CCDC102B: variants seen among roughly 807,000 people sequenced by gnomAD.
CCDC102B encodes the protein coiled-coil domain containing 102B, also known as coiled-coil domain-containing protein 102B.
Under a neutral mutation model 57.4 loss-of-function variants are expected in CCDC102B, and 75 were observed. That is an observed-to-expected ratio of 1.31 (90% CI 1.08 to 1.58). The LOEUF is 1.58. Ranked by LOEUF, CCDC102B falls within the 40% of genes most tolerant of loss-of-function variation. The pLI is 0.00. For missense variants in CCDC102B, 636 were observed against 582.6 expected (o/e 1.09, Z -0.94); for synonymous variants, 206 against 201.9 (o/e 1.02, Z -0.17).
intron 6 of CCDC102B, among the ~76,000 whole-genome samples, chr18:68,921,726 C>T (rs1275286871): frequency 2.0e-5 from 3 of 152,078 alleles, no homozygotes; most frequent in Admixed American, 6.6e-5. Flanking sequence ...AAATGGGGAG[C>T]GTAATCCTAC....
chr18:68,802,312 T>G (rs2035883739), intron 1 of CCDC102B, among the ~76,000 whole-genome samples: 1 of 152,198 alleles, frequency 6.6e-6, no homozygotes, highest in Non-Finnish European at 1.5e-5. Context: ...TGCCCAGGCT[T>G]CTTCATTCTT....
intron 6 of CCDC102B, among the ~76,000 whole-genome samples, chr18:68,931,516 C>T (rs1459451215): frequency 6.6e-6 from 1 of 151,708 alleles, no homozygotes. Context: ...GAGGTGGAAA[C>T]AATGTTACAG....
upstream of CCDC102B, among the ~76,000 whole-genome samples, chr18:68,795,061 A>G (rs549577948): frequency 3.3e-5 from 5 of 152,062 alleles, no homozygotes; most frequent in Non-Finnish European, 7.4e-5. Context: ...GTAAGACAAA[A>G]ACAAATGCAA....
rs186264717 is a variant in CCDC102B at position 68,750,963 on chromosome 18, A to G, written c.-67+34369A>G. On this transcript the variant is annotated intron_variant, in intron 2 of 3. Transcript: ENST00000578970. ...TAAAGTATAATAATAATAAAAAAAAACAAAAACAAAGAAACAAAAAAAACT... is the reference window on the plus strand; with the variant it reads ...TAAAGTATAATAATAATAAAAAAAAGCAAAAACAAAGAAACAAAAAAAACT... 6.6e-5 allele frequency among the ~76,000 whole-genome samples: 10 copies of G among 152,052 alleles called. No individual in the cohort carries two copies. In the East Asian group the frequency reaches 1.4e-3, roughly 21 times the overall value.
chr18:69,038,241 G>A (rs1416692915), intron 7 of CCDC102B, among the ~76,000 whole-genome samples: 2 of 151,872 alleles, frequency 1.3e-5, no homozygotes, highest in Non-Finnish European at 2.9e-5. Flanking sequence ...AATGTCTGCA[G>A]AATGTTCCAT....
At chr18:68,793,529 TTCTC>T (rs760072548), upstream of CCDC102B, among the ~76,000 whole-genome samples, 1 of 152,156 alleles carries the variant, frequency 6.6e-6, no homozygotes, top group Non-Finnish European at 1.5e-5. Flanking sequence ...CTAATTTACT[TTCTC>T]TATAACATGT....
chr18:68,716,419 T>G (rs1191187937), intron 1 of CCDC102B: 2 of 152,234 alleles, frequency 1.3e-5, no homozygotes, highest in Non-Finnish European at 2.9e-5. Context: ...CCAGTTGACC[T>G]AGATCTGTGC....
intron 6 of CCDC102B, among the ~76,000 whole-genome samples, chr18:68,977,660 A>T (rs2050475289): frequency 6.6e-6 from 1 of 151,648 alleles, no homozygotes; most frequent in African/African-American, 2.4e-5. Flanking sequence ...GATGATGATG[A>T]TGACGATGAC....
intron 6 of CCDC102B, among the ~76,000 whole-genome samples, chr18:69,007,992 T>C (rs1391444199): frequency 6.6e-6 from 1 of 152,250 alleles, no homozygotes; most frequent in Non-Finnish European, 1.5e-5. Context: ...GCATTAATGA[T>C]ATAAGAAATA....
intron 5 of CCDC102B, among the ~76,000 whole-genome samples, chr18:68,876,231 A>G (rs2039442027): frequency 6.6e-6 from 1 of 152,194 alleles, no homozygotes; most frequent in African/African-American, 2.4e-5. Flanking sequence ...CGAATATTGT[A>G]TCTGCTGTGC....
At chr18:68,817,713 T>C (rs1377536392) in intron 1 of CCDC102B, among the ~76,000 whole-genome samples, 1 of 152,188 alleles carries the variant, frequency 6.6e-6, no homozygotes, top group Non-Finnish European at 1.5e-5. Flanking sequence ...TGTGGGTGTG[T>C]AGGGGTAAAC....
chr18:68,835,159 A>G (rs1436007493), intron 1 of CCDC102B, among the ~76,000 whole-genome samples: 1 of 152,148 alleles, frequency 6.6e-6, no homozygotes, highest in Non-Finnish European at 1.5e-5. Flanking sequence ...AATTGGGTAT[A>G]TGTATTGTTA....
intron 7 of CCDC102B, among the ~76,000 whole-genome samples, chr18:69,014,347 A>T (rs9956330): frequency 1.3e-3 from 198 of 152,334 alleles, no homozygotes; most frequent in African/African-American, 4.3e-3. Context: ...TGGTCACAGT[A>T]TCTAATAAAA....
intron 2 of CCDC102B, among the ~76,000 whole-genome samples, chr18:68,787,033 A>G (rs2035239014): frequency 6.6e-6 from 1 of 151,398 alleles, no homozygotes; most frequent in Non-Finnish European, 1.5e-5. Context: ...AGTTTTTAGC[A>G]TGAAGGGTTG....
chr18:68,838,982 T>C, intron 3 of CCDC102B, 56 bp downstream of exon 3: 1 of 1,340,324 alleles, frequency 7.5e-7, no homozygotes, highest in Non-Finnish European at 1.1e-6. Context: ...TCACTTAAAA[T>C]TGTTAATACA....
intron 7 of CCDC102B, among the ~76,000 whole-genome samples, chr18:69,014,980 T>A (rs8088598): frequency 0.049 from 6,047 of 123,778 alleles, 361 homozygotes; most frequent in African/African-American, 0.19. Flanking sequence ...AGAGAGAGAG[T>A]GTGTGTGTGT....
At chr18:68,891,132 T>A (rs1272029134) in intron 5 of CCDC102B, among the ~76,000 whole-genome samples, 1 of 152,200 alleles carries the variant, frequency 6.6e-6, no homozygotes, top group Non-Finnish European at 1.5e-5. Flanking sequence ...TTTGCTTTAT[T>A]TTAAAATATA....
intron 7 of CCDC102B, among the ~76,000 whole-genome samples, chr18:69,026,271 G>A (rs2051987396): frequency 6.6e-6 from 1 of 152,022 alleles, no homozygotes; most frequent in Admixed American, 6.6e-5. Context: ...TTCGAGACCA[G>A]CCTGACCAAT....
intron 2 of CCDC102B, among the ~76,000 whole-genome samples, chr18:68,727,300 T>C (rs1017874305): frequency 1.3e-5 from 2 of 152,230 alleles, no homozygotes; most frequent in African/African-American, 4.8e-5. Flanking sequence ...GTTTTTGGAA[T>C]AGAAAATTAC....
Sources: allele counts gnomAD v4.1 joint callset (sites outside exome capture counted in the v4.1 genomes callset), GRCh38; gene constraint gnomAD v4.1.1; transcripts MANE v1.5; gene names NCBI Gene and HGNC (gene_info 2026-07-23, HGNC 2026-07-21).